LAMP1: variants seen among roughly 807,000 people sequenced by gnomAD.
LAMP1 encodes lysosome-associated membrane glycoprotein 1.
LAMP1 carries 7 observed loss-of-function variants against 37.5 expected under a neutral mutation model. The ratio of observed to expected loss-of-function variants is 0.19; its 90% CI spans 0.11 to 0.35. The LOEUF (loss-of-function observed/expected upper bound fraction) is 0.35, where lower values mean the gene tolerates loss of function less well. LAMP1 is among the 10% of genes least tolerant of loss of function. The pLI is 1.00. For missense variants in LAMP1, 537 were observed against 552.8 expected (o/e 0.97, Z 0.29); for synonymous variants, 236 against 229.1 (o/e 1.03, Z -0.27).
At chr13:113,299,135 G>C (rs1216454109) in intron 1 of LAMP1, among the ~76,000 whole-genome samples, 2 of 151,460 alleles carry the variant, frequency 1.3e-5, no homozygotes, top group Non-Finnish European at 2.9e-5. Flanking sequence ...GGGAGACTCC[G>C]TCTCAAAACA....
chr13:113,311,976 ACATCC>A (rs1431322399), intron 4 of LAMP1, among the ~76,000 whole-genome samples: 1 of 152,150 alleles, frequency 6.6e-6, no homozygotes, highest in African/African-American at 2.4e-5. Flanking sequence ...ATGTATGGAG[ACATCC>A]CTTAGGGTGG....
At chr13:113,301,722 C>T (rs2139356092) in intron 1 of LAMP1, among the ~76,000 whole-genome samples, 1 of 145,482 alleles carries the variant, frequency 6.9e-6, no homozygotes, top group African/African-American at 2.5e-5. Context: ...TACCTTGCCT[C>T]TAGAGGTTGT....
intron 4 of LAMP1, among the ~76,000 whole-genome samples, chr13:113,316,340 A>G (rs1332390124): frequency 2.6e-5 from 4 of 152,066 alleles, no homozygotes; most frequent in East Asian, 3.9e-4. Flanking sequence ...CGCTTGTTGA[A>G]TGAATCAGAG....
Position 113,321,484 on chromosome 13 carries a change from ATC to A in LAMP1, c.943+18_943+19del. On this transcript the variant is annotated intron_variant, in intron 7 of 8. Transcript: ENST00000332556. This position sits in a 1 kb window ranked among gnomAD's most constrained non-coding sequence, Gnocchi z 5.6. ...CTGACGCCAGAGGTGAGAACCCACA[ATC>A]TCTGCGAGCCCCGCCCCCGCCCGCG... 1 of 1,613,834 alleles carries A rather than the reference ATC, an allele frequency of 6.2e-7. No homozygotes were observed. The highest frequency in any genetic ancestry group is 8.5e-7 in the Non-Finnish European group (1 of 1,179,896).
chr13:113,317,941 T>A (rs551777239), intron 4 of LAMP1, among the ~76,000 whole-genome samples: 73 of 152,334 alleles, frequency 4.8e-4, no homozygotes, highest in Middle Eastern at 6.8e-3. Context: ...CCTCCTTCCT[T>A]GGCCTCTCAA....
At chr13:113,315,140 A>C (rs1431819773) in intron 4 of LAMP1, among the ~76,000 whole-genome samples, 5 of 128,072 alleles carry the variant, frequency 3.9e-5, no homozygotes, top group African/African-American at 1.2e-4. Flanking sequence ...TCCTGGAGGG[A>C]GTCAGTGCGG....
chr13:113,300,341 C>T lies in LAMP1; in HGVS notation c.61+2846C>T, dbSNP rs530017893. 3.9e-5 allele frequency among the ~76,000 whole-genome samples: 6 copies of T among 152,034 alleles called. No homozygotes were observed. In the East Asian group the frequency reaches 5.8e-4, roughly 15 times the overall value. ...ACTAAGAATACAAAAATTAGCCAGG[C>T]GTGGTGTGGTGGCAGGCGCCTGTAA... is the stretch of plus-strand genomic sequence containing the variant. On this transcript the variant is annotated intron_variant, in intron 1 of 8. Coordinates refer to ENST00000332556, the MANE Select transcript of LAMP1 (RefSeq NM_005561.4).
intron 4 of LAMP1, 126 bp from the exon 5 acceptor site, chr13:113,319,343 T>G: frequency 1.2e-6 from 1 of 852,482 alleles, no homozygotes; most frequent in Non-Finnish European, 1.8e-6. Context: ...CTTGGGAGAC[T>G]GAGAAAATAG....
chr13:113,299,511 C>T (rs2042559427), intron 1 of LAMP1, among the ~76,000 whole-genome samples: 1 of 151,836 alleles, frequency 6.6e-6, no homozygotes, highest in Non-Finnish European at 1.5e-5. Context: ...GATCCGCCTC[C>T]CTCTGCCTCC....
rs1043679757 is a variant in LAMP1, at chr13:113,323,554, C to G, written c.*1133C>G. On this transcript the variant is annotated 3_prime_UTR_variant, in exon 9 of 9. Transcript: ENST00000332556. ...CAGGGAAACGGGGGGTGAGGGTGGTCTTGGTGCCAGACGTAGGGAATGGTG... is the reference window on the plus strand; with the variant it reads ...CAGGGAAACGGGGGGTGAGGGTGGTGTTGGTGCCAGACGTAGGGAATGGTG... 1.3e-5 allele frequency: 2 copies of G among 151,438 alleles called. No homozygotes were observed. The highest frequency in any genetic ancestry group is 4.9e-5 in the African/African-American group (2 of 41,128). 9.4% of individuals were successfully genotyped at this position (151,438 alleles called of 1,614,324 possible).
chr13:113,322,344 GCGGGGCTGGTCCTCATCGTCCTCAT>G lies in LAMP1; in HGVS notation c.1180_1204del (p.Gly394ProfsTer70). 1 of 1,613,956 alleles carries G rather than the reference GCGGGGCTGGTCCTCATCGTCCTCAT, an allele frequency of 6.2e-7. No homozygotes were observed. The highest frequency in any genetic ancestry group is 8.5e-7 in the Non-Finnish European group (1 of 1,179,980). ...CCCCATCGCTGTGGGTGGTGCCCTGGCGGGGCTGGTCCTCATCGTCCTCATCGCCTACCTCGTCGGCAGGAAGAGG... is the reference window on the plus strand; with the variant it reads ...CCCCATCGCTGTGGGTGGTGCCCTGGCGCCTACCTCGTCGGCAGGAAGAGG... On this transcript the variant is annotated frameshift_variant, in exon 9 of 9. Transcript: ENST00000332556. LOFTEE classifies it high-confidence loss of function.
chr13:113,298,613 C>T (rs1379174380), intron 1 of LAMP1, among the ~76,000 whole-genome samples: 3 of 152,182 alleles, frequency 2.0e-5, no homozygotes, highest in African/African-American at 7.2e-5. Context: ...ATCTTGGCTT[C>T]CCTTTTTTGT....
rs979604598 is a variant in LAMP1 at position 113,323,623 on chromosome 13, A to G, written c.*1202A>G. 1 of 152,036 alleles carries G rather than the reference A, an allele frequency of 6.6e-6. No individual in the cohort carries two copies. The highest frequency in any genetic ancestry group is 6.6e-5 in the Admixed American group (1 of 15,252). 9.4% of individuals were successfully genotyped at this position (152,036 alleles called of 1,614,324 possible). On this transcript the variant is annotated 3_prime_UTR_variant, in exon 9 of 9. Transcript: ENST00000332556. ...CCTGGCACAGTTGTCTGGTTCATTC[A>G]TGTAACATGATAATTTTTAAATCAT... is the stretch of plus-strand genomic sequence containing the variant.
Position 113,319,470 on chromosome 13 carries a change from G to C in LAMP1, c.564G>C (p.Glu188Asp), listed in dbSNP as rs779295072. The change falls in exon 5 of 9, where the codon GAG becomes GAC. Residue 188 changes from glutamate (E) to aspartate (D), a missense_variant and splice_region_variant. Physicochemically the swap from Glu to Asp is conservative, Grantham distance 45 (BLOSUM62 2). Transcript: ENST00000332556. ...YLSNSSFSRG[E>D]TRCEQDRPSP... Reference sequence around the variant, plus strand: ...AATCTCCCTCCACTGCACCTGCAGAGACACGCTGTGAACAAGACAGGCCTT... The same window carrying C: ...AATCTCCCTCCACTGCACCTGCAGACACACGCTGTGAACAAGACAGGCCTT... 1.4e-5 allele frequency: 23 copies of C among 1,606,388 alleles called. No homozygotes were observed. The South Asian group carries it at 1.5e-4, about 11-fold the overall frequency.
chr13:113,307,278 C>T (rs1042374006), intron 2 of LAMP1, among the ~76,000 whole-genome samples: 3 of 151,968 alleles, frequency 2.0e-5, no homozygotes, highest in Non-Finnish European at 2.9e-5. Context: ...CTGCCTTAGC[C>T]TCCTGAGTAG....
intron 4 of LAMP1, among the ~76,000 whole-genome samples, chr13:113,317,537 AG>A (rs545775433): frequency 1.7e-3 from 265 of 152,346 alleles, no homozygotes; most frequent in Middle Eastern, 6.8e-3. Context: ...CATGGATCAC[AG>A]GTGAAAAACA....
rs553883744 is a variant in LAMP1 at position 113,314,404 on chromosome 13, C to T, written c.562+3537C>T. ...CGTGGAGATGCCCATGTGCCTGGGGCGTGGCCTCCTAGAGGGAGTCAGTGT... is the reference window on the plus strand; with the variant it reads ...CGTGGAGATGCCCATGTGCCTGGGGTGTGGCCTCCTAGAGGGAGTCAGTGT... On this transcript the variant is annotated intron_variant, in intron 4 of 8. Coordinates refer to ENST00000332556, the MANE Select transcript of LAMP1 (RefSeq NM_005561.4). Among the ~76,000 whole-genome samples, 273 of 107,994 alleles carry T rather than the reference C, an allele frequency of 2.5e-3. 24 individuals are homozygous for T. The highest frequency in any genetic ancestry group is 0.016 in the African/African-American group (246 of 15,236). The allele number at this position is 107,994 out of a possible 152,430, so 70.8% of individuals were successfully genotyped here.
Position 113,321,163 on chromosome 13 carries a change from G to A in LAMP1, c.877-241G>A, listed in dbSNP as rs1015134751. 4.1e-6 allele frequency: 2 copies of A among 491,542 alleles called. No homozygotes were observed. The highest frequency in any genetic ancestry group is 7.4e-6 in the Non-Finnish European group (2 of 270,796). The allele number at this position is 491,542 out of a possible 1,614,324, so 30.4% of individuals were successfully genotyped here. Reference sequence around the variant, plus strand: ...CCACTGCACTCCAGCCTGGGTGACAGAGCAAGACTCTCAGAGAAGGGTCTG... The same window carrying A: ...CCACTGCACTCCAGCCTGGGTGACAAAGCAAGACTCTCAGAGAAGGGTCTG... On this transcript the variant is annotated intron_variant, in intron 6 of 8. Coordinates refer to ENST00000332556, the MANE Select transcript of LAMP1 (RefSeq NM_005561.4). The surrounding 1 kb of genome is among the most constrained non-coding windows in gnomAD (Gnocchi z 5.6).
At chr13:113,301,647 ATATATATATATATAT>A (rs2042574544) in intron 1 of LAMP1, among the ~76,000 whole-genome samples, 1 of 394 alleles carries the variant, frequency 2.5e-3, no homozygotes, top group African/African-American at 4.6e-3. Context: ...AAAAAAAAAT[ATATATATATATATAT>A]ATATATATAT....
Sources: allele counts gnomAD v4.1 joint callset (sites outside exome capture counted in the v4.1 genomes callset), GRCh38; gene constraint gnomAD v4.1.1; non-coding constraint Gnocchi (gnomAD v3.1); transcripts MANE v1.5; gene names NCBI Gene and HGNC (gene_info 2026-07-23, HGNC 2026-07-21).